TRPM3: variants seen among roughly 807,000 people sequenced by gnomAD.
TRPM3 encodes the protein long transient receptor potential channel 3.
Under a neutral mutation model 181.2 loss-of-function variants are expected in TRPM3, and 77 were observed. The observed-to-expected ratio is 0.42, with a 90% CI of 0.35 to 0.51. TRPM3 has a LOEUF of 0.51. TRPM3 is among the 20% of genes least tolerant of loss of function. TRPM3 has a pLI of 0.01. For missense variants in TRPM3, 1,759 were observed against 2,196.7 expected, an observed-to-expected ratio of 0.80 and a Z score of 3.98; for synonymous variants, 745 against 796.4, an observed-to-expected ratio of 0.94 and a Z score of 1.09.
rs79769483 is a variant in TRPM3 at position 71,276,687 on chromosome 9, G to A, written c.183+169966C>T. 2.1e-3 allele frequency among the ~76,000 whole-genome samples: 322 copies of A among 152,150 alleles called. 1 individual carries two copies. The highest frequency in any genetic ancestry group is 7.2e-3 in the African/African-American group (298 of 41,520). ...AATGCCATTAATAGAGAGCAAAGAG[G>A]GTGTTCATCCATTAAAAGCAGATAT... On this transcript the variant is annotated intron_variant, in intron 1 of 24. Coordinates refer to the TRPM3 transcript ENST00000357533.
chr9:71,253,883 G>A (rs1173932856), intron 1 of TRPM3, among the ~76,000 whole-genome samples: 1 of 152,098 alleles, frequency 6.6e-6, no homozygotes, highest in African/African-American at 2.4e-5. Context: ...AAAAAAGAAG[G>A]AAATTCTGTC....
chr9:70,637,812 T>C (rs1305451151), intron 11 of TRPM3, among the ~76,000 whole-genome samples: 2 of 152,276 alleles, frequency 1.3e-5, no homozygotes, highest in East Asian at 3.9e-4. Flanking sequence ...CGGTACTTAC[T>C]GGCTTTCTTA....
rs145080356 is a variant in TRPM3, at chr9:71,016,235, GGTGTGTGT to G, written c.177+104935_177+104942del. On this transcript the variant is annotated intron_variant, in intron 1 of 25. Transcript: ENST00000677713. ...TAAAAAGTTGTGATTATACATGTGT[GGTGTGTGT>G]GTGTGTGTGTGTGTGTATCTGTGTG... Among the ~76,000 whole-genome samples the G allele has an allele frequency of 5.4e-3, 794 of 146,304 alleles. 19 individuals are homozygous for G. In the East Asian group the frequency reaches 0.081, roughly 15 times the overall value.
chr9:70,813,563 A>T (rs894806242), intron 6 of TRPM3, among the ~76,000 whole-genome samples: 7 of 152,144 alleles, frequency 4.6e-5, no homozygotes, highest in African/African-American at 1.4e-4. Flanking sequence ...TGTGTTCATT[A>T]TCTGGGGTGA....
At chr9:71,357,132 C>A (rs1426178110) in intron 1 of TRPM3, among the ~76,000 whole-genome samples, 1 of 152,144 alleles carries the variant, frequency 6.6e-6, no homozygotes, top group Non-Finnish European at 1.5e-5. Flanking sequence ...ACTATATTTG[C>A]TATGGGGGAA....
At chr9:70,613,040 A>C (rs1220767302) in intron 18 of TRPM3, among the ~76,000 whole-genome samples, 4 of 152,222 alleles carry the variant, frequency 2.6e-5, no homozygotes, top group Non-Finnish European at 5.9e-5. Flanking sequence ...TTTAACCAGC[A>C]CTGCATTCAA....
chr9:71,104,886 AG>A lies in TRPM3; in HGVS notation c.177+16291del, dbSNP rs1591446901. Among the ~76,000 whole-genome samples the A allele has an allele frequency of 2.6e-5, 4 of 152,340 alleles. No individual in the cohort carries two copies. In the East Asian group the frequency reaches 7.7e-4, roughly 29 times the overall value. ...CTGAAACGCTTATATTGTATGTTAA[AG>A]GGAGTAGGAAATGGTATGATCATTT... On this transcript the variant is annotated intron_variant, in intron 1 of 25. Coordinates refer to ENST00000677713, the MANE Select transcript of TRPM3 (RefSeq NM_001366145.2).
At chr9:70,740,684 T>C (rs989947506) in intron 8 of TRPM3, among the ~76,000 whole-genome samples, 1 of 151,866 alleles carries the variant, frequency 6.6e-6, no homozygotes, top group African/African-American at 2.4e-5. Flanking sequence ...AATTGATCTT[T>C]AACAAAGCAA....
At chr9:70,696,949 C>T (rs1212415102) in intron 8 of TRPM3, among the ~76,000 whole-genome samples, 2 of 150,570 alleles carry the variant, frequency 1.3e-5, no homozygotes, top group Non-Finnish European at 3.0e-5. Context: ...TGTTTATTTA[C>T]ACAATGCAGG....
At chr9:71,261,472 T>C (rs1032010263) in intron 1 of TRPM3, among the ~76,000 whole-genome samples, 6 of 152,196 alleles carry the variant, frequency 3.9e-5, no homozygotes, top group Non-Finnish European at 8.8e-5. Flanking sequence ...CTCGGAGCCA[T>C]TTCTCATTAC....
At chr9:71,101,903 A>C (rs1233729300) in intron 1 of TRPM3, among the ~76,000 whole-genome samples, 2 of 152,204 alleles carry the variant, frequency 1.3e-5, no homozygotes, top group African/African-American at 2.4e-5. Context: ...AAGGCCATGA[A>C]GTCCAACAGC....
intron 1 of TRPM3, among the ~76,000 whole-genome samples, chr9:71,231,274 G>T (rs2081032386): frequency 6.6e-6 from 1 of 152,120 alleles, no homozygotes; most frequent in Middle Eastern, 3.2e-3. Flanking sequence ...TATAAGAACT[G>T]CCTTGTAAGA....
chr9:71,406,374 A>C (rs531165774), intron 1 of TRPM3, among the ~76,000 whole-genome samples: 1 of 152,362 alleles, frequency 6.6e-6, no homozygotes, highest in African/African-American at 2.4e-5. Context: ...AAGGAATAAA[A>C]GGACAGAAAG....
At chr9:70,841,065 G>A (rs1344766788) in intron 5 of TRPM3, among the ~76,000 whole-genome samples, 1 of 152,124 alleles carries the variant, frequency 6.6e-6, no homozygotes, top group Non-Finnish European at 1.5e-5. Flanking sequence ...TGATTTTGGT[G>A]CAGAAATGAT....
chr9:71,009,572 A>G (rs2097714560), intron 1 of TRPM3, among the ~76,000 whole-genome samples: 1 of 152,214 alleles, frequency 6.6e-6, no homozygotes, highest in African/African-American at 2.4e-5. Flanking sequence ...CACTAATGGA[A>G]GAAATTAAAG....
At chr9:71,187,937 AGATAGATAGATAGATC>A (rs869202373) in intron 1 of TRPM3, among the ~76,000 whole-genome samples, 3,188 of 85,246 alleles carry the variant, frequency 0.037, 47 homozygotes, top group South Asian at 0.077. Flanking sequence ...ATAGATAGAT[AGATAGATAGATAGATC>A]ATCGCATTTT....
At chr9:70,787,426 A>G (rs762298588) in intron 6 of TRPM3, among the ~76,000 whole-genome samples, 3 of 152,212 alleles carry the variant, frequency 2.0e-5, no homozygotes, top group Non-Finnish European at 4.4e-5. Flanking sequence ...ATAGGGTACA[A>G]ACAAAAGCAG....
chr9:70,815,726 T>A (rs1216780147), intron 6 of TRPM3, among the ~76,000 whole-genome samples: 1 of 152,220 alleles, frequency 6.6e-6, no homozygotes, highest in Non-Finnish European at 1.5e-5. Flanking sequence ...CTCTTTGTCA[T>A]TGTTGTGAAT....
intron 1 of TRPM3, among the ~76,000 whole-genome samples, chr9:70,931,856 A>G (rs931210456): frequency 3.5e-4 from 53 of 152,338 alleles, no homozygotes; most frequent in African/African-American, 1.2e-3. Context: ...CAGTCCTTGA[A>G]GTTAAGGAAG....
Sources: allele counts gnomAD v4.1 joint callset (sites outside exome capture counted in the v4.1 genomes callset), GRCh38; gene constraint gnomAD v4.1.1; transcripts MANE v1.5; gene names NCBI Gene and HGNC (gene_info 2026-07-23, HGNC 2026-07-21).